Variants in MTUS1 observed in about 807,000 individuals in gnomAD.
The protein encoded by MTUS1 is microtubule associated scaffold protein 1, also known as microtubule-associated tumor suppressor 1.
Under a neutral mutation model 120.8 loss-of-function variants are expected in MTUS1, and 109 were observed. The observed-to-expected ratio is 0.90, with a 90% CI of 0.77 to 1.06. The LOEUF (loss-of-function observed/expected upper bound fraction) is 1.06. Among genes scored for constraint, MTUS1 ranks in the 50% least tolerant of loss-of-function variants. The pLI is 0.00. For synonymous variants in MTUS1, 737 were observed against 550.5 expected (o/e 1.34, Z -4.74); for missense variants, 2,210 against 1,486.3 (o/e 1.49, Z -8.01).
intron 4 of MTUS1, chr8:17,721,959 T>C (rs2131098374): frequency 6.6e-7 from 1 of 1,523,764 alleles, no homozygotes; most frequent in Non-Finnish European, 8.8e-7. Context: ...CACTCTCATA[T>C]CCCTCATGCT....
chr8:17,662,186 G>C (rs1809883701), intron 8 of MTUS1, among the ~76,000 whole-genome samples: 1 of 151,906 alleles, frequency 6.6e-6, no homozygotes, highest in Non-Finnish European at 1.5e-5. Flanking sequence ...GTCTCTTCTT[G>C]CTCATTCTCC....
intron 3 of MTUS1, among the ~76,000 whole-genome samples, chr8:17,732,228 C>G (rs1263340533): frequency 6.6e-6 from 1 of 152,178 alleles, no homozygotes; most frequent in African/African-American, 2.4e-5. Context: ...AATCGTCAAA[C>G]CTGGAACAGC....
intron 1 of MTUS1, among the ~76,000 whole-genome samples, chr8:17,764,808 T>C (rs190509933): frequency 6.6e-6 from 1 of 152,340 alleles, no homozygotes; most frequent in East Asian, 1.9e-4. Flanking sequence ...TGAACTAGTC[T>C]ATGCCCTAAT....
chr8:17,783,370 C>T (rs964812833), intron 1 of MTUS1, among the ~76,000 whole-genome samples: 1 of 152,098 alleles, frequency 6.6e-6, no homozygotes, highest in African/African-American at 2.4e-5. Flanking sequence ...ATGGACCAGC[C>T]AAGTTCCCTC....
intron 6 of MTUS1, chr8:17,705,904 G>A (rs1166386651): frequency 6.6e-6 from 1 of 152,222 alleles, no homozygotes; most frequent in Admixed American, 6.5e-5. Context: ...AGTGGCTTTA[G>A]TGTATGGTAG....
intron 1 of MTUS1, among the ~76,000 whole-genome samples, chr8:17,760,529 C>T (rs966254939): frequency 1.3e-5 from 2 of 152,130 alleles, no homozygotes; most frequent in African/African-American, 4.8e-5. Context: ...AAAGGGGTGA[C>T]CGGCCTTCGC....
In MTUS1 at chr8:17,723,934, CA is replaced by C. The variant is rs1369001458; in HGVS notation, c.2288-102del. 80 of 871,846 alleles carry C rather than the reference CA, an allele frequency of 9.2e-5. No homozygotes were observed. In the South Asian group the frequency reaches 1.0e-3, roughly 11 times the overall value. The allele number at this position is 871,846 out of a possible 1,614,324, so 54.0% of individuals were successfully genotyped here. ...CAAACTTCTGCACTAACAACAAAGT[CA>C]AAACACAAAATGAATGTTCACAATC... is the stretch of plus-strand genomic sequence containing the variant. On this transcript the variant is annotated intron_variant, in intron 3 of 14. Transcript: ENST00000693296.
At position 17,649,820 on chromosome 8, in the gene MTUS1, C is replaced by G. The variant is rs777670537; in HGVS notation, c.3501+26G>C. On this transcript the variant is annotated intron_variant, in intron 13 of 14. Transcript: ENST00000693296. Reference sequence around the variant, plus strand: ...ACACATATTACCCCATTTGTAAGATCCTCTTTCATTCTGAAGGAAACATAC... The same window carrying G: ...ACACATATTACCCCATTTGTAAGATGCTCTTTCATTCTGAAGGAAACATAC... 2.4e-6 allele frequency: 3 copies of G among 1,275,836 alleles called. No homozygotes were observed. In the South Asian group the frequency reaches 3.6e-5, roughly 15 times the overall value. The allele number at this position is 1,275,836 out of a possible 1,614,324, so 79.0% of individuals were successfully genotyped here.
chr8:17,757,888 G>A (rs1256566244), intron 1 of MTUS1, among the ~76,000 whole-genome samples: 1 of 152,114 alleles, frequency 6.6e-6, no homozygotes, highest in Non-Finnish European at 1.5e-5. Flanking sequence ...CCAAAGAAAG[G>A]TCCAAATGTT....
Position 17,755,707 on chromosome 8 carries a change from G to A in MTUS1, c.101C>T (p.Pro34Leu), listed in dbSNP as rs752707385. The change falls in exon 2 of 15, where the codon CCA becomes CTA. Residue 34 changes from proline (P) to leucine (L), a missense_variant. Coordinates refer to ENST00000693296, the MANE Select transcript of MTUS1 (RefSeq NM_001363059.2). ...GNTHAYNPKSPPTQNSSASSV... is the reference protein window; with the variant it reads ...GNTHAYNPKSLPTQNSSASSV... Reference sequence around the variant, plus strand: ...GCTGGCTGAAGAGTTTTGTGTAGGTGGTGATTTCGGGTTGTATGCATGTGT... The same window carrying A: ...GCTGGCTGAAGAGTTTTGTGTAGGTAGTGATTTCGGGTTGTATGCATGTGT... The A allele has an allele frequency of 4.3e-6, 7 of 1,614,030 alleles. No individual in the cohort carries two copies. Among genetic ancestry groups the A allele is most frequent in the Non-Finnish European group, 5.9e-6 (7 of 1,180,022 alleles).
intron 2 of MTUS1, among the ~76,000 whole-genome samples, chr8:17,745,700 C>A (rs2047689929): frequency 2.0e-5 from 3 of 152,370 alleles, no homozygotes; most frequent in South Asian, 4.1e-4. Flanking sequence ...TCTCTCTACA[C>A]ATCGAACGTT....
chr8:17,770,481 T>A (rs1299706056), intron 1 of MTUS1: 1 of 152,174 alleles, frequency 6.6e-6, no homozygotes, highest in Non-Finnish European at 1.5e-5. Context: ...GCAAGAGATG[T>A]CTTATTCGAG....
chr8:17,726,479 G>C (rs1402412564), intron 3 of MTUS1, among the ~76,000 whole-genome samples: 1 of 152,166 alleles, frequency 6.6e-6, no homozygotes, highest in African/African-American at 2.4e-5. Flanking sequence ...GGTCTAGCAT[G>C]GAGTGAGACT....
At chr8:17,758,099 G>C (rs1003935018) in intron 1 of MTUS1, 2 of 152,158 alleles carry the variant, frequency 1.3e-5, no homozygotes, top group Non-Finnish European at 2.9e-5. Context: ...ATATCCATGA[G>C]GGAGGGAAAA....
rs549685719 is a variant in MTUS1 at position 17,735,190 on chromosome 8, G to A, written c.2287+8414C>T. Among the ~76,000 whole-genome samples, 58 of 152,172 alleles carry A rather than the reference G, an allele frequency of 3.8e-4. 1 individual carries two copies. Among genetic ancestry groups the A allele is most frequent in the Non-Finnish European group, 4.9e-4 (33 of 67,998 alleles). On this transcript the variant is annotated intron_variant, in intron 3 of 14. Coordinates refer to ENST00000693296, the MANE Select transcript of MTUS1 (RefSeq NM_001363059.2). ...ACCCCTCTGAGGTGCTTCCCAGTCT[G>A]TAGCCTCCTCCAATTTCACATGCCC... is the stretch of plus-strand genomic sequence containing the variant.
At chr8:17,784,342 C>T (rs912162606) in intron 1 of MTUS1, among the ~76,000 whole-genome samples, 5 of 139,200 alleles carry the variant, frequency 3.6e-5, no homozygotes, top group African/African-American at 5.5e-5. Context: ...GTTGCCCAGG[C>T]TAGAGTGCAA....
At chr8:17,767,553 C>A (rs1014566905) in intron 1 of MTUS1, among the ~76,000 whole-genome samples, 10 of 149,658 alleles carry the variant, frequency 6.7e-5, no homozygotes, top group East Asian at 5.9e-4. Context: ...AAAAAATCAA[C>A]CAGGCATGGG....
intron 2 of MTUS1, among the ~76,000 whole-genome samples, chr8:17,750,340 T>G (rs1172514947): frequency 6.6e-6 from 1 of 152,184 alleles, no homozygotes; most frequent in East Asian, 1.9e-4. Context: ...GCTGGCTAAA[T>G]TCATCTCCCA....
intron 6 of MTUS1, among the ~76,000 whole-genome samples, chr8:17,685,347 C>G (rs932597666): frequency 5.3e-5 from 8 of 152,036 alleles, no homozygotes; most frequent in African/African-American, 1.4e-4. Context: ...AGTCTTGGAA[C>G]CATTCCAAAT....
Sources: allele counts gnomAD v4.1 joint callset (sites outside exome capture counted in the v4.1 genomes callset), GRCh38; gene constraint gnomAD v4.1.1; transcripts MANE v1.5; gene names NCBI Gene and HGNC (gene_info 2026-07-23, HGNC 2026-07-21).